Variants in SND1 observed in about 807,000 individuals in gnomAD.
SND1 encodes the protein staphylococcal nuclease domain-containing protein 1.
Under a neutral mutation model 121.7 loss-of-function variants are expected in SND1, and 38 were observed. The observed-to-expected ratio is 0.31, with a 90% CI of 0.24 to 0.41. The LOEUF (loss-of-function observed/expected upper bound fraction) is 0.41. Among genes scored for constraint, SND1 ranks in the 10% least tolerant of loss-of-function variants. SND1 has a pLI of 1.00. For missense variants in SND1, 868 were observed against 1,184.6 expected (o/e 0.73, Z 3.92); for synonymous variants, 401 against 447.4 (o/e 0.90, Z 1.31).
At chr7:127,994,233 G>C (rs1457401041) in intron 16 of SND1, among the ~76,000 whole-genome samples, 2 of 152,110 alleles carry the variant, frequency 1.3e-5, no homozygotes, top group African/African-American at 4.8e-5. Context: ...AGTCAGCACA[G>C]AGCTACTCAC....
rs535117273 is a variant in SND1 at position 128,044,318 on chromosome 7, G to A, written c.1780-30184G>A. On this transcript the variant is annotated intron_variant, in intron 16 of 23. Coordinates refer to ENST00000354725, the MANE Select transcript of SND1 (RefSeq NM_014390.4). Reference sequence around the variant, plus strand: ...TAGCACAGAAAGATTTATTCAGGCCGCATCCACAAAGGGACAGGCAGACTC... The same window carrying A: ...TAGCACAGAAAGATTTATTCAGGCCACATCCACAAAGGGACAGGCAGACTC... Among the ~76,000 whole-genome samples, 12 of 152,242 alleles carry A rather than the reference G, an allele frequency of 7.9e-5. No individual in the cohort carries two copies. In the East Asian group the frequency reaches 9.6e-4, roughly 12 times the overall value.
chr7:127,768,075 C>T lies in SND1; in HGVS notation c.1153-39409C>T, dbSNP rs117426931. On this transcript the variant is annotated intron_variant, in intron 10 of 23. Coordinates refer to ENST00000354725, the MANE Select transcript of SND1 (RefSeq NM_014390.4). ...AACTAGGCTTGATAATTGAATATGC[C>T]GCAGCTCTTTAGCCAGCATAATCTG... Among the ~76,000 whole-genome samples the T allele has an allele frequency of 3.9e-3, 587 of 152,214 alleles. 3 individuals are homozygous for T. Among genetic ancestry groups the T allele is most frequent in the South Asian group, 0.014 (68 of 4,818 alleles).
intron 15 of SND1, among the ~76,000 whole-genome samples, chr7:127,931,236 T>C (rs1800951055): frequency 6.6e-6 from 1 of 152,088 alleles, no homozygotes; most frequent in African/African-American, 2.4e-5. Context: ...TGTCTCAAAA[T>C]AGAAAAGAAA....
chr7:128,031,786 C>CCGT (rs1792616215), intron 16 of SND1, among the ~76,000 whole-genome samples: 3 of 143,024 alleles, frequency 2.1e-5, no homozygotes, highest in African/African-American at 7.5e-5. Context: ...CCGTCGCCGC[C>CCGT]CGCCGCTGCC....
intron 16 of SND1, among the ~76,000 whole-genome samples, chr7:128,068,796 A>G (rs1261071870): frequency 6.6e-6 from 1 of 152,222 alleles, no homozygotes; most frequent in Non-Finnish European, 1.5e-5. Flanking sequence ...TTGCCTGGGC[A>G]TGGGGAGCTC....
chr7:128,034,234 G>T (rs1451975379), intron 16 of SND1, among the ~76,000 whole-genome samples: 1 of 152,174 alleles, frequency 6.6e-6, no homozygotes, highest in African/African-American at 2.4e-5. Context: ...TTCAGTGAAG[G>T]ATGTGTCAGA....
chr7:127,962,169 T>G lies in SND1; in HGVS notation c.1670-28778T>G, dbSNP rs189109549. Reference sequence around the variant, plus strand: ...TTGTATAAGGGAGTATGATGTGTTCTCTCTCTGCTTGGAATTGCTGTGCTG... The same window carrying G: ...TTGTATAAGGGAGTATGATGTGTTCGCTCTCTGCTTGGAATTGCTGTGCTG... On this transcript the variant is annotated intron_variant, in intron 15 of 23. Coordinates refer to ENST00000354725, the MANE Select transcript of SND1 (RefSeq NM_014390.4). Among the ~76,000 whole-genome samples the G allele has an allele frequency of 3.0e-3, 453 of 152,262 alleles. 6 individuals are homozygous for G. Among genetic ancestry groups the G allele is most frequent in the Admixed American group, 0.026 (401 of 15,278 alleles).
intron 10 of SND1, among the ~76,000 whole-genome samples, chr7:127,782,561 A>G (rs1170494364): frequency 6.6e-6 from 1 of 152,230 alleles, no homozygotes; most frequent in East Asian, 1.9e-4. Flanking sequence ...AGTAGAATTT[A>G]ATTGGCTATT....
At chr7:127,757,459 C>G (rs1001691340) in intron 10 of SND1, among the ~76,000 whole-genome samples, 1 of 152,166 alleles carries the variant, frequency 6.6e-6, no homozygotes, top group African/African-American at 2.4e-5. Context: ...GTTGGGTCAT[C>G]CAGTAGATGA....
chr7:127,733,860 C>A (rs1207706586), intron 10 of SND1, among the ~76,000 whole-genome samples: 1 of 152,116 alleles, frequency 6.6e-6, no homozygotes, highest in Non-Finnish European at 1.5e-5. Flanking sequence ...CAGGTGCATG[C>A]CCTGTTGACT....
Position 127,707,821 on chromosome 7 carries a change from G to A in SND1, c.1038+174G>A, listed in dbSNP as rs79179099. ...TGTGTGTGTGTGTGTGTTTATTGTA[G>A]GGGGTTTAGAAACCATTAGACTATT... On this transcript the variant is annotated intron_variant, in intron 9 of 23. Coordinates refer to ENST00000354725, the MANE Select transcript of SND1 (RefSeq NM_014390.4). Among the ~76,000 whole-genome samples the A allele has an allele frequency of 0.02, 2,960 of 147,072 alleles. 57 individuals carry two copies. The highest frequency in any genetic ancestry group is 0.03 in the Non-Finnish European group (1,963 of 66,244).
At chr7:127,779,178 C>T (rs532590068) in intron 10 of SND1, among the ~76,000 whole-genome samples, 8 of 152,172 alleles carry the variant, frequency 5.3e-5, no homozygotes, top group African/African-American at 9.6e-5. Context: ...TTTCTTCTGA[C>T]GTGAATGGTA....
At chr7:127,800,710 G>T (rs1014893801) in intron 10 of SND1, among the ~76,000 whole-genome samples, 1 of 152,152 alleles carries the variant, frequency 6.6e-6, no homozygotes, top group African/African-American at 2.4e-5. Flanking sequence ...GTGCTTCAGA[G>T]CCTTGTTTTT....
At chr7:127,755,446 G>T (rs1478644479) in intron 10 of SND1, among the ~76,000 whole-genome samples, 1 of 152,294 alleles carries the variant, frequency 6.6e-6, no homozygotes, top group Non-Finnish European at 1.5e-5. Flanking sequence ...GCTAAAACCC[G>T]GTGTAAAATC....
At chr7:127,655,896 A>G (rs1227595656) in intron 1 of SND1, among the ~76,000 whole-genome samples, 7 of 152,170 alleles carry the variant, frequency 4.6e-5, no homozygotes, top group African/African-American at 1.7e-4. Context: ...GAATTCTTGA[A>G]TCTTCTGTGC....
At position 127,672,754 on chromosome 7, in the gene SND1, C is replaced by G. The variant is rs185709790; in HGVS notation, c.79-13859C>G. ...TAGTTTCCTTCATTCAGAAATAATT[C>G]CTCAGTCTTTCCTTGATTTTCATGA... is the stretch of plus-strand genomic sequence containing the variant. On this transcript the variant is annotated intron_variant, in intron 1 of 23. Coordinates refer to ENST00000354725, the MANE Select transcript of SND1 (RefSeq NM_014390.4). 1.1e-4 allele frequency among the ~76,000 whole-genome samples: 17 copies of G among 152,250 alleles called. No individual in the cohort carries two copies. The East Asian group carries it at 3.3e-3, about 29-fold the overall frequency.
chr7:128,007,149 T>C (rs745420518), intron 16 of SND1, among the ~76,000 whole-genome samples: 79 of 152,132 alleles, frequency 5.2e-4, no homozygotes, highest in Non-Finnish European at 7.5e-4. Context: ...AGCAGGACAA[T>C]TGTTTTTTTT....
chr7:127,712,699 G>A (rs1302975825), intron 9 of SND1, among the ~76,000 whole-genome samples: 1 of 152,162 alleles, frequency 6.6e-6, no homozygotes, highest in African/African-American at 2.4e-5. Context: ...CTGCTTTCCA[G>A]CTTCCAGGGT....
intron 10 of SND1, among the ~76,000 whole-genome samples, chr7:127,790,890 A>G (rs1214956650): frequency 6.6e-6 from 1 of 152,188 alleles, no homozygotes; most frequent in Non-Finnish European, 1.5e-5. Flanking sequence ...AACAACATCA[A>G]AAGAGGACCA....
Sources: gnomAD v4.1 joint callset for allele counts (sites outside exome capture counted in the v4.1 genomes callset) on GRCh38, gnomAD v4.1.1 for gene constraint, MANE v1.5 for transcripts, NCBI Gene and HGNC (gene_info 2026-07-23, HGNC 2026-07-21) for gene names.